Variants in RNGTT observed in about 807,000 individuals in gnomAD.
The protein encoded by RNGTT is RNA guanylyltransferase and 5'-phosphatase, also known as mRNA-capping enzyme.
RNGTT carries 33 observed loss-of-function variants against 79.3 expected under a neutral mutation model. The observed-to-expected ratio is 0.42, with a 90% CI of 0.32 to 0.56. RNGTT has a LOEUF of 0.56. RNGTT is among the 20% of genes least tolerant of loss of function. The pLI is 0.17. For synonymous variants in RNGTT, 222 were observed against 235.9 expected, an observed-to-expected ratio of 0.94 and a Z score of 0.54; for missense variants, 497 against 739.1, an observed-to-expected ratio of 0.67 and a Z score of 3.80.
chr6:88,698,304 AAT>A lies in RNGTT; in HGVS notation c.1440-19887_1440-19886del, dbSNP rs1319730267. ...TTTCATATATATCATATATATATGA[AAT>A]ATATATATGAAATATATATGAATTT... is the stretch of plus-strand genomic sequence containing the variant. On this transcript the variant is annotated intron_variant, in intron 13 of 15. Coordinates refer to ENST00000369485, the MANE Select transcript of RNGTT (RefSeq NM_003800.5). Among the ~76,000 whole-genome samples the A allele has an allele frequency of 9.1e-5, 11 of 120,984 alleles. 1 individual carries two copies. The highest frequency in any genetic ancestry group is 4.9e-4 in the Admixed American group (6 of 12,208). 79.4% of individuals were successfully genotyped at this position (120,984 alleles called of 152,430 possible).
At chr6:88,718,453 G>A (rs1776597897) in intron 13 of RNGTT, among the ~76,000 whole-genome samples, 1 of 151,392 alleles carries the variant, frequency 6.6e-6, no homozygotes, top group African/African-American at 2.4e-5. Flanking sequence ...CAAGGCACTA[G>A]GCTGGAGAAA....
At chr6:88,906,573 G>T in intron 4 of RNGTT, 133 bp from the exon 5 acceptor site, 2 of 572,018 alleles carry the variant, frequency 3.5e-6, no homozygotes, top group Non-Finnish European at 6.1e-6. Flanking sequence ...TTTTTAACTT[G>T]AAACACCCTT....
intron 13 of RNGTT, among the ~76,000 whole-genome samples, chr6:88,680,401 G>A (rs1582321010): frequency 6.6e-6 from 1 of 152,162 alleles, no homozygotes; most frequent in East Asian, 1.9e-4. Flanking sequence ...TATGAAATAA[G>A]GTAGATATTT....
At chr6:88,933,355 T>G (rs962343843) in intron 2 of RNGTT, among the ~76,000 whole-genome samples, 4 of 152,156 alleles carry the variant, frequency 2.6e-5, no homozygotes, top group Non-Finnish European at 5.9e-5. Context: ...AAATAAGAAT[T>G]TATACATTAT....
chr6:88,691,352 G>C (rs1775474719), intron 13 of RNGTT, among the ~76,000 whole-genome samples: 1 of 138,646 alleles, frequency 7.2e-6, no homozygotes, highest in African/African-American at 3.4e-5. Context: ...GCACAACTGT[G>C]AGTCAATTAC....
chr6:88,611,935 C>T lies in RNGTT; in HGVS notation c.*784G>A, dbSNP rs947263057. 1.3e-5 allele frequency: 2 copies of T among 152,626 alleles called. No homozygotes were observed. Among genetic ancestry groups the T allele is most frequent in the Non-Finnish European group, 2.9e-5 (2 of 68,040 alleles). 9.5% of individuals were successfully genotyped at this position (152,626 alleles called of 1,614,324 possible). On this transcript the variant is annotated 3_prime_UTR_variant, in exon 16 of 16. Coordinates refer to ENST00000369485, the MANE Select transcript of RNGTT (RefSeq NM_003800.5). The stretch of plus-strand genomic sequence containing the variant: ...AGCCCTGGCATTTAAAAAAAGAAGT[C>T]TCCCAGGAGAACAACACATAAAGGA...
At chr6:88,868,028 A>C (rs1195104096) in intron 8 of RNGTT, among the ~76,000 whole-genome samples, 1 of 152,110 alleles carries the variant, frequency 6.6e-6, no homozygotes, top group Non-Finnish European at 1.5e-5. Context: ...CTCCAGTCAC[A>C]TAAGTAGGTG....
chr6:88,739,725 TTATATATATATATATATATATA>T (rs367967175), intron 13 of RNGTT, among the ~76,000 whole-genome samples: 1,711 of 94,126 alleles, frequency 0.018, 61 homozygotes, highest in Admixed American at 0.024. Flanking sequence ...GTGAAAAAAA[TTATATATATATATATATATATA>T]TATATATATA....
In RNGTT at chr6:88,912,496, C is replaced by A. The variant is rs73506538; in HGVS notation, c.368-6056G>T. On this transcript the variant is annotated intron_variant, in intron 4 of 15. Coordinates refer to ENST00000369485, the MANE Select transcript of RNGTT (RefSeq NM_003800.5). The stretch of plus-strand genomic sequence containing the variant: ...ACTAGAAAAACAAAAACAAACAAAT[C>A]CCAAAATTAGCAGGAGAAAAGAAAT... 2.9e-3 allele frequency among the ~76,000 whole-genome samples: 447 copies of A among 152,034 alleles called. 2 individuals carry two copies. Among genetic ancestry groups the A allele is most frequent in the African/African-American group, 0.01 (433 of 41,478 alleles).
chr6:88,834,790 A>T (rs1781007165), intron 11 of RNGTT, among the ~76,000 whole-genome samples: 1 of 152,176 alleles, frequency 6.6e-6, no homozygotes, highest in South Asian at 2.1e-4. Context: ...ATATTTAGTG[A>T]TAAACAAGAA....
chr6:88,842,409 A>G (rs1781323432), intron 11 of RNGTT, among the ~76,000 whole-genome samples: 1 of 152,204 alleles, frequency 6.6e-6, no homozygotes, highest in Non-Finnish European at 1.5e-5. Context: ...CAGCAGCAAT[A>G]ACAGTAGTAC....
At chr6:88,782,151 G>T (rs1342868932) in intron 12 of RNGTT, among the ~76,000 whole-genome samples, 2 of 151,962 alleles carry the variant, frequency 1.3e-5, no homozygotes, top group Non-Finnish European at 2.9e-5. Flanking sequence ...CATCGACTGA[G>T]TTTTTCACTT....
intron 11 of RNGTT, among the ~76,000 whole-genome samples, chr6:88,831,972 C>T (rs1244640307): frequency 6.6e-6 from 1 of 152,172 alleles, no homozygotes; most frequent in Admixed American, 6.5e-5. Context: ...ATTCCATGCT[C>T]ACAGATAGGA....
At chr6:88,621,395 T>C (rs1222994157) in intron 14 of RNGTT, among the ~76,000 whole-genome samples, 1 of 152,190 alleles carries the variant, frequency 6.6e-6, no homozygotes, top group Non-Finnish European at 1.5e-5. Flanking sequence ...TCCAGAATCA[T>C]GTGCCTCAGC....
Position 88,615,967 on chromosome 6 carries a change from G to T in RNGTT, c.1507-1572C>A, listed in dbSNP as rs577755599. On this transcript the variant is annotated intron_variant, in intron 14 of 15. Transcript: ENST00000369485. ...TAGAACTTTTCCATCTTGCAACACT[G>T]AAATGCTATACTCCCTAAACACTAA... Among the ~76,000 whole-genome samples, 5 of 152,244 alleles carry T rather than the reference G, an allele frequency of 3.3e-5. No individual in the cohort carries two copies. In the East Asian group the frequency reaches 9.6e-4, roughly 29 times the overall value.
intron 13 of RNGTT, among the ~76,000 whole-genome samples, chr6:88,742,916 A>T (rs1429933276): frequency 6.6e-6 from 1 of 152,206 alleles, no homozygotes; most frequent in Non-Finnish European, 1.5e-5. Context: ...GCTAAGTCAC[A>T]GTTTAAGACG....
chr6:88,658,927 C>A lies in RNGTT; in HGVS notation c.1506+19426G>T, dbSNP rs542972214. Among the ~76,000 whole-genome samples, 20 of 152,342 alleles carry A rather than the reference C, an allele frequency of 1.3e-4. No individual in the cohort carries two copies. In the South Asian group the frequency reaches 4.1e-3, roughly 32 times the overall value. Reference sequence around the variant, plus strand: ...GACTGAAGGCTGCACTGTCAGCTTCCCTACTTTTGAGGTTTTAGAACTCAG... The same window carrying A: ...GACTGAAGGCTGCACTGTCAGCTTCACTACTTTTGAGGTTTTAGAACTCAG... On this transcript the variant is annotated intron_variant, in intron 14 of 15. Coordinates refer to ENST00000369485, the MANE Select transcript of RNGTT (RefSeq NM_003800.5).
chr6:88,940,087 T>C (rs576616321), intron 2 of RNGTT, among the ~76,000 whole-genome samples: 2 of 150,982 alleles, frequency 1.3e-5, no homozygotes, highest in East Asian at 3.9e-4. Context: ...TTCTTTTCTT[T>C]TTTTTTGAGA....
chr6:88,619,506 C>T (rs1772364404), intron 14 of RNGTT, among the ~76,000 whole-genome samples: 1 of 152,142 alleles, frequency 6.6e-6, no homozygotes, highest in Non-Finnish European at 1.5e-5. Flanking sequence ...TACTCTTCAA[C>T]AGTCCAGGTT....
Sources: allele counts gnomAD v4.1 joint callset (sites outside exome capture counted in the v4.1 genomes callset), GRCh38; gene constraint gnomAD v4.1.1; transcripts MANE v1.5; gene names NCBI Gene and HGNC (gene_info 2026-07-23, HGNC 2026-07-21).